MEMO1: variants seen among roughly 807,000 people sequenced by gnomAD.
The protein encoded by MEMO1 is mediator of cell motility 1.
MEMO1 carries 6 observed loss-of-function variants against 45.2 expected under a neutral mutation model. That is an observed-to-expected ratio of 0.13 (90% confidence interval 0.07 to 0.26). The LOEUF (loss-of-function observed/expected upper bound fraction) is 0.26, where lower values mean the gene tolerates loss of function less well. Ranked by LOEUF, MEMO1 falls within the 10% of genes least tolerant of loss-of-function variation. The pLI, the probability that MEMO1 is intolerant of heterozygous loss-of-function variation, is 1.00. For missense variants in MEMO1, 184 were observed against 370.5 expected, an observed-to-expected ratio of 0.50 and a Z score of 4.13; for synonymous variants, 78 against 124.3, an observed-to-expected ratio of 0.63 and a Z score of 2.48.
At chr2:31,992,919 C>T (rs999814831) in intron 2 of MEMO1, among the ~76,000 whole-genome samples, 1 of 151,770 alleles carries the variant, frequency 6.6e-6, no homozygotes, top group East Asian at 1.9e-4. Context: ...AACTAAAATA[C>T]ATATTTGAAA....
At chr2:31,923,543 A>G in intron 4 of MEMO1, 1 of 1,289,462 alleles carries the variant, frequency 7.8e-7, no homozygotes, top group Non-Finnish European at 1.0e-6. Context: ...AAATAACATG[A>G]CACTTTGTTT....
chr2:31,875,388 C>T (rs889567579), intron 8 of MEMO1, among the ~76,000 whole-genome samples: 7 of 151,960 alleles, frequency 4.6e-5, no homozygotes, highest in African/African-American at 1.7e-4. Context: ...CAACAAAGTA[C>T]CACAAGTGAG....
intron 5 of MEMO1, among the ~76,000 whole-genome samples, chr2:31,919,402 C>T (rs1342980824): frequency 6.6e-6 from 1 of 152,166 alleles, no homozygotes; most frequent in African/African-American, 2.4e-5. Context: ...GTCTGCCCAT[C>T]TCAGCCTCTC....
intron 2 of MEMO1, among the ~76,000 whole-genome samples, chr2:32,002,277 A>G (rs971559323): frequency 3.4e-5 from 5 of 148,108 alleles, no homozygotes; most frequent in African/African-American, 9.9e-5. Flanking sequence ...ACACATATAT[A>G]CATGTACATA....
At chr2:31,990,825 G>A (rs1047297009) in intron 2 of MEMO1, among the ~76,000 whole-genome samples, 1 of 152,060 alleles carries the variant, frequency 6.6e-6, no homozygotes, top group East Asian at 1.9e-4. Context: ...AGGCTATAAA[G>A]AGATTCTGAG....
chr2:31,873,276 G>A lies in MEMO1; in HGVS notation c.658-3324C>T, dbSNP rs545175604. ...CTACCCATTCAGCGCTAAGATATAA[G>A]GCAGACATTATAAACACCAAAAGCC... is the stretch of plus-strand genomic sequence containing the variant. On this transcript the variant is annotated intron_variant, in intron 8 of 9. Transcript: ENST00000404530. Among the ~76,000 whole-genome samples, 12 of 152,166 alleles carry A rather than the reference G, an allele frequency of 7.9e-5. No homozygotes were observed. The South Asian group carries it at 1.9e-3, about 24-fold the overall frequency.
intron 2 of MEMO1, among the ~76,000 whole-genome samples, chr2:31,977,162 T>C (rs1332515725): frequency 6.6e-6 from 1 of 152,068 alleles, no homozygotes; most frequent in African/African-American, 2.4e-5. Flanking sequence ...AACAAAAGCA[T>C]AGAAGTGGAT....
Position 31,920,859 on chromosome 2 carries a change from A to G in MEMO1, c.264T>C (p.Cys88=), listed in dbSNP as rs535767940. The G allele has an allele frequency of 3.1e-6, 5 of 1,612,556 alleles. No individual in the cohort carries two copies. The African/African-American group carries it at 5.3e-5, about 17-fold the overall frequency. The change falls in exon 5 of 10, where the codon TGT becomes TGC. Residue 88 remains cysteine (C), a synonymous_variant. Transcript: ENST00000404530. ...GPSHHVPLSR[C]ALSSVDIYRT... ...TATATATATCCACACTGGAAAGTGC[A>G]CATCGAGAGAGGGGCACATGATGAG...
intron 9 of MEMO1, 30 bp downstream of exon 9, chr2:31,869,818 T>C (rs1468519109): frequency 7.0e-6 from 11 of 1,565,176 alleles, no homozygotes; most frequent in African/African-American, 1.4e-5. Context: ...GACCAAATGT[T>C]AAAAGTCAAG....
chr2:32,000,082 C>T (rs1389986776), intron 2 of MEMO1, among the ~76,000 whole-genome samples: 1 of 151,880 alleles, frequency 6.6e-6, no homozygotes, highest in African/African-American at 2.4e-5. Context: ...ATGATGGTCT[C>T]ACTTTTTTGT....
intron 9 of MEMO1, among the ~76,000 whole-genome samples, 178 bp from the exon 10 acceptor site, chr2:31,868,670 T>C (rs1198631231): frequency 6.6e-6 from 1 of 152,220 alleles, no homozygotes; most frequent in Non-Finnish European, 1.5e-5. Flanking sequence ...GAATTCCTTA[T>C]CATTTTCTCA....
chr2:31,881,104 T>C (rs1259518522), intron 8 of MEMO1, among the ~76,000 whole-genome samples: 2 of 152,018 alleles, frequency 1.3e-5, no homozygotes, highest in Non-Finnish European at 2.9e-5. Context: ...AAAAAGACAG[T>C]AGGATCAACA....
chr2:31,934,301 T>C (rs886179299), intron 3 of MEMO1, among the ~76,000 whole-genome samples: 1 of 152,092 alleles, frequency 6.6e-6, no homozygotes. Flanking sequence ...CAATCCATAC[T>C]CTGATCTCTA....
At chr2:31,913,517 GTT>G (rs5830218) in intron 6 of MEMO1, among the ~76,000 whole-genome samples, 2,445 of 136,046 alleles carry the variant, frequency 0.018, 59 homozygotes, top group African/African-American at 0.059. Context: ...ATGATTAAGA[GTT>G]TTTTTTTTTT....
intron 2 of MEMO1, among the ~76,000 whole-genome samples, chr2:31,997,469 A>C (rs1437634930): frequency 3.9e-5 from 6 of 152,190 alleles, no homozygotes; most frequent in African/African-American, 1.4e-4. Flanking sequence ...TTAATGCTTA[A>C]TCTGTATTCC....
chr2:31,895,207 C>A (rs1558483357), intron 6 of MEMO1, among the ~76,000 whole-genome samples: 1 of 152,048 alleles, frequency 6.6e-6, no homozygotes, highest in Non-Finnish European at 1.5e-5. Context: ...ATGTCCAGTT[C>A]CAAAAGAAAT....
chr2:31,968,585 A>G (rs1182026284), intron 2 of MEMO1, among the ~76,000 whole-genome samples: 2 of 152,218 alleles, frequency 1.3e-5, no homozygotes, highest in African/African-American at 4.8e-5. Flanking sequence ...AAGTCCCCCA[A>G]GAAGTGTCAG....
chr2:31,992,067 A>G (rs553103919), intron 2 of MEMO1, among the ~76,000 whole-genome samples: 1 of 152,314 alleles, frequency 6.6e-6, no homozygotes, highest in Admixed American at 6.5e-5. Context: ...TAAGAATATC[A>G]GCTTAACAAA....
intron 8 of MEMO1, among the ~76,000 whole-genome samples, chr2:31,877,268 C>T (rs1202338694): frequency 6.6e-6 from 1 of 152,144 alleles, no homozygotes; most frequent in African/African-American, 2.4e-5. Flanking sequence ...GTAATAAATA[C>T]CTAGAATAAA....
Sources: allele counts gnomAD v4.1 joint callset (sites outside exome capture counted in the v4.1 genomes callset), GRCh38; gene constraint gnomAD v4.1.1; transcripts MANE v1.5; gene names NCBI Gene and HGNC (gene_info 2026-07-23, HGNC 2026-07-21).